The following HMX1 variants were observed in gnomAD, a reference collection of about 807,000 sequenced individuals.
HMX1 encodes the protein H6 family homeobox 1.
A neutral mutation model predicts 8.9 loss-of-function variants in HMX1; 8 were observed. That is an observed-to-expected ratio of 0.90 (90% CI 0.53 to 1.63). The LOEUF (loss-of-function observed/expected upper bound fraction) is 1.63. HMX1 is among the 40% of genes most tolerant of loss of function. HMX1 has a pLI of 0.00. For missense variants in HMX1, 621 were observed against 558.5 expected (o/e 1.11, Z -1.13); for synonymous variants, 311 against 283.4 (o/e 1.10, Z -0.98).
rs1284812480 is a variant in HMX1 at position 8,860,027 on chromosome 4, ACGGGGCCAACGGCGGTGCTGACAG to A, written c.394+11170_394+11193del. On this transcript the variant is annotated intron_variant, in intron 1 of 1. Coordinates refer to the HMX1 transcript ENST00000506970. ...CCCCATTAGAACCGGCAGAGCCCCGACGGGGCCAACGGCGGTGCTGACAGCGCGAACTGCGTCAGGGGCGAAGCC... is the reference window on the plus strand; with the variant it reads ...CCCCATTAGAACCGGCAGAGCCCCGACGCGAACTGCGTCAGGGGCGAAGCC... Among the ~76,000 whole-genome samples the A allele has an allele frequency of 3.9e-5, 6 of 152,338 alleles. No homozygotes were observed. The East Asian group carries it at 1.2e-3, about 29-fold the overall frequency.
chr4:8,855,123 C>G (rs1721571448), intron 1 of HMX1, among the ~76,000 whole-genome samples: 1 of 152,142 alleles, frequency 6.6e-6, no homozygotes, highest in Non-Finnish European at 1.5e-5. Flanking sequence ...CAGTCCCTCT[C>G]CCCCGTGGAC....
chr4:8,870,021 G>C lies in HMX1; in HGVS notation c.394+1200C>G, dbSNP rs4515241. 0.076 allele frequency among the ~76,000 whole-genome samples: 11,577 copies of C among 152,208 alleles called. 1,310 individuals are homozygous for C. The highest frequency in any genetic ancestry group is 0.24 in the African/African-American group (10,140 of 41,480). On this transcript the variant is annotated intron_variant, in intron 1 of 1. Transcript: ENST00000400677. This position sits in a 1 kb window ranked among gnomAD's most constrained non-coding sequence, Gnocchi z 4.4. ...GGGGGTGGGGGCCTAGACTTCCTGA[G>C]TGTGGGTGCCGAGATGTGGGGGCTT...
At chr4:8,860,329 G>A (rs930600134) in intron 1 of HMX1, among the ~76,000 whole-genome samples, 2 of 152,242 alleles carry the variant, frequency 1.3e-5, no homozygotes, top group Non-Finnish European at 2.9e-5. Flanking sequence ...GGTGCTCCGG[G>A]TCATGGTGGG....
rs1215943171 is a variant in HMX1, at chr4:8,849,033, G to A, written c.395-2709C>T. Among the ~76,000 whole-genome samples the A allele has an allele frequency of 1.3e-5, 2 of 152,110 alleles. No homozygotes were observed. Among genetic ancestry groups the A allele is most frequent in the African/African-American group, 2.4e-5 (1 of 41,430 alleles). On this transcript the variant is annotated intron_variant, in intron 1 of 1. Transcript: ENST00000506970. This position sits in a 1 kb window ranked among gnomAD's most constrained non-coding sequence, Gnocchi z 6.6. Reference sequence around the variant, plus strand: ...TGCAGCATCGTGGGGGTGGAGACCCGGCTGAGGGGGGTGGGCCTCCTCCCC... The same window carrying A: ...TGCAGCATCGTGGGGGTGGAGACCCAGCTGAGGGGGGTGGGCCTCCTCCCC...
chr4:8,848,653 T>G lies in HMX1; in HGVS notation c.395-2329A>C, dbSNP rs534728356. 4.7e-4 allele frequency among the ~76,000 whole-genome samples: 72 copies of G among 152,112 alleles called. No homozygotes were observed. Among genetic ancestry groups the G allele is most frequent in the African/African-American group, 1.7e-3 (69 of 41,508 alleles). ...TGCTGTAGACCAACCTAAACCAGGC[T>G]CCCCCATCCCCCTTTTTTCAGATAT... On this transcript the variant is annotated intron_variant, in intron 1 of 1. Coordinates refer to the HMX1 transcript ENST00000506970. The surrounding 1 kb of genome is among the most constrained non-coding windows in gnomAD (Gnocchi z 4.1).
chr4:8,862,454 CT>C (rs369536424), downstream of HMX1, among the ~76,000 whole-genome samples: 52 of 152,334 alleles, frequency 3.4e-4, no homozygotes, highest in East Asian at 8.9e-3. Flanking sequence ...GTACCCACCC[CT>C]ATCCCACAGT....
chr4:8,854,165 C>T (rs1016918340), intron 1 of HMX1, among the ~76,000 whole-genome samples: 8 of 152,134 alleles, frequency 5.3e-5, no homozygotes, highest in Admixed American at 4.6e-4. Context: ...TCCAGGAGCT[C>T]GCAGCCAGGC....
At chr4:8,864,687 G>A (rs1165402368), downstream of HMX1, among the ~76,000 whole-genome samples, 1 of 152,208 alleles carries the variant, frequency 6.6e-6, no homozygotes, top group African/African-American at 2.4e-5. Context: ...CAAGACGCCA[G>A]AGCCCCACGG....
downstream of HMX1, among the ~76,000 whole-genome samples, chr4:8,863,831 C>T (rs1721908358): frequency 2.0e-5 from 3 of 152,242 alleles, no homozygotes; most frequent in Non-Finnish European, 4.4e-5. Context: ...TAGCTCCGAT[C>T]CCTGTGGAAT....
chr4:8,846,845 G>A (rs901234066), intron 1 of HMX1, among the ~76,000 whole-genome samples: 6 of 152,200 alleles, frequency 3.9e-5, no homozygotes, highest in Non-Finnish European at 7.3e-5. Flanking sequence ...CCTACAGGCA[G>A]TCTTCCTGGA....
Position 8,856,141 on chromosome 4 carries a change from G to T in HMX1, c.395-9817C>A, listed in dbSNP as rs141790789. The stretch of plus-strand genomic sequence containing the variant: ...TGGACCGTCTCAGCTCAGTCCAATG[G>T]AGAGAGGGAGGGAAGGGCCCTGAGT... On this transcript the variant is annotated intron_variant, in intron 1 of 1. Transcript: ENST00000506970. 1.9e-4 allele frequency among the ~76,000 whole-genome samples: 29 copies of T among 152,330 alleles called. No homozygotes were observed. In the East Asian group the frequency reaches 5.6e-3, roughly 29 times the overall value.
chr4:8,846,264 T>C, exon 2 of HMX1: 3 of 1,535,280 alleles, frequency 2.0e-6, no homozygotes, highest in Admixed American at 2.0e-5. Context: ...TTTGTATTTA[T>C]CAGCTCTGGT....
Position 8,867,105 on chromosome 4 carries a change from A to C in HMX1, c.*588T>G. 1.0e-6 allele frequency: 1 copy of C among 985,436 alleles called. No individual in the cohort carries two copies. Among genetic ancestry groups the C allele is most frequent in the Non-Finnish European group, 1.2e-6 (1 of 829,950 alleles). 61.0% of individuals were successfully genotyped at this position (985,436 alleles called of 1,614,324 possible). ...AATAAGTAGATTCATTTAAAAAAAC[A>C]ACAACCCGGAGGCTGCGACGTCTGC... On this transcript the variant is annotated 3_prime_UTR_variant, in exon 2 of 2. Transcript: ENST00000400677.
downstream of HMX1, among the ~76,000 whole-genome samples, chr4:8,863,852 C>T (rs910433573): frequency 2.6e-5 from 4 of 152,238 alleles, no homozygotes; most frequent in Middle Eastern, 3.2e-3. Flanking sequence ...TTGACCTAGG[C>T]TGGGAATCTC....
intron 1 of HMX1, among the ~76,000 whole-genome samples, chr4:8,860,457 A>G (rs1003001382): frequency 5.3e-5 from 8 of 152,220 alleles, no homozygotes; most frequent in African/African-American, 1.9e-4. Context: ...GATGGGCAAG[A>G]CGGGCTCAGA....
intron 1 of HMX1, among the ~76,000 whole-genome samples, chr4:8,851,925 C>T (rs1721460110): frequency 6.6e-6 from 1 of 152,244 alleles, no homozygotes; most frequent in Non-Finnish European, 1.5e-5. Context: ...CAGCTCCAGG[C>T]AGAGATGGGA....
At chr4:8,846,341 C>T (rs1721274769) in intron 1 of HMX1, 3 of 1,526,708 alleles carry the variant, frequency 2.0e-6, no homozygotes, top group Non-Finnish European at 2.6e-6. Context: ...GGGAGAAAAA[C>T]CAGGTATTGG....
chr4:8,869,977 C>T (rs1458173435), intron 1 of HMX1, among the ~76,000 whole-genome samples: 6 of 152,154 alleles, frequency 3.9e-5, no homozygotes. Context: ...CACGGAAGCC[C>T]TGCTCAAGTC....
In HMX1 at chr4:8,868,576, C is replaced by T. The variant is rs998160968; in HGVS notation, c.395-231G>A. On this transcript the variant is annotated intron_variant, in intron 1 of 1. Transcript: ENST00000400677. This position sits in a 1 kb window ranked among gnomAD's most constrained non-coding sequence, Gnocchi z 4.6. Reference sequence around the variant, plus strand: ...ACCAACACCCCGCAACACACCAACACCCCGCAACACACAAACACAAACGCA... The same window carrying T: ...ACCAACACCCCGCAACACACCAACATCCCGCAACACACAAACACAAACGCA... 3.3e-5 allele frequency among the ~76,000 whole-genome samples: 5 copies of T among 152,166 alleles called. No homozygotes were observed. The highest frequency in any genetic ancestry group is 5.9e-5 in the Non-Finnish European group (4 of 68,030).
Sources: gnomAD v4.1 joint callset for allele counts (sites outside exome capture counted in the v4.1 genomes callset) on GRCh38, gnomAD v4.1.1 for gene constraint, Gnocchi (gnomAD v3.1) non-coding constraint, MANE v1.5 for transcripts, NCBI Gene and HGNC (gene_info 2026-07-23, HGNC 2026-07-21) for gene names.